RNF150: variants seen among roughly 807,000 people sequenced by gnomAD.
The protein encoded by RNF150 is ring finger protein 150.
RNF150 carries 24 observed loss-of-function variants against 39.3 expected under a neutral mutation model. The observed-to-expected ratio is 0.61, with a 90% CI of 0.44 to 0.86. The LOEUF (loss-of-function observed/expected upper bound fraction) is 0.86. Among genes scored for constraint, RNF150 ranks in the 40% least tolerant of loss-of-function variants. The pLI is 0.00. For missense variants in RNF150, 502 were observed against 587.8 expected (o/e 0.85, Z 1.51); for synonymous variants, 255 against 227.3 (o/e 1.12, Z -1.10).
At chr4:140,872,706 A>T (rs1228790514) in intron 6 of RNF150, among the ~76,000 whole-genome samples, 2 of 152,220 alleles carry the variant, frequency 1.3e-5, no homozygotes, top group African/African-American at 4.8e-5. Context: ...AAAAATTCCC[A>T]TGTTTTTCGA....
At chr4:140,921,549 G>A (rs890744535) in intron 5 of RNF150, among the ~76,000 whole-genome samples, 9 of 152,112 alleles carry the variant, frequency 5.9e-5, no homozygotes, top group South Asian at 2.1e-4. Context: ...ACAAGGAGGA[G>A]CTGGTACCAT....
At chr4:141,171,713 T>G (rs1277926634) in intron 1 of RNF150, among the ~76,000 whole-genome samples, 2 of 152,346 alleles carry the variant, frequency 1.3e-5, no homozygotes, top group Admixed American at 6.5e-5. Flanking sequence ...TACATGTGCA[T>G]GTACATATAG....
chr4:141,060,306 T>C (rs908318450), intron 1 of RNF150, among the ~76,000 whole-genome samples: 3 of 152,220 alleles, frequency 2.0e-5, no homozygotes, highest in South Asian at 4.1e-4. Flanking sequence ...CCAGGCGTAG[T>C]AGCATGCATT....
intron 6 of RNF150, among the ~76,000 whole-genome samples, chr4:140,873,226 A>G (rs1352753845): frequency 6.6e-6 from 1 of 152,238 alleles, no homozygotes; most frequent in East Asian, 1.9e-4. Flanking sequence ...TGATTCCCAG[A>G]TGGACACCAC....
At chr4:140,917,504 T>C (rs915628286) in intron 5 of RNF150, among the ~76,000 whole-genome samples, 9 of 152,152 alleles carry the variant, frequency 5.9e-5, no homozygotes, top group African/African-American at 1.4e-4. Context: ...CCTAAATATA[T>C]ATGAACCCAA....
chr4:141,066,614 A>T (rs1737471670), intron 1 of RNF150, among the ~76,000 whole-genome samples: 1 of 152,224 alleles, frequency 6.6e-6, no homozygotes. Context: ...TCTGCTATGA[A>T]ATAAGCTGAC....
intron 6 of RNF150, among the ~76,000 whole-genome samples, chr4:140,903,594 C>G (rs2111255715): frequency 6.6e-6 from 1 of 152,336 alleles, no homozygotes; most frequent in East Asian, 1.9e-4. Context: ...GTCTGGTAAA[C>G]TGCAGGTCTG....
intron 1 of RNF150, among the ~76,000 whole-genome samples, chr4:141,024,548 A>T (rs1735619221): frequency 6.6e-6 from 1 of 152,176 alleles, no homozygotes. Flanking sequence ...CATAATACAA[A>T]ATTAAAAACA....
intron 6 of RNF150, among the ~76,000 whole-genome samples, chr4:140,896,696 A>AAC (rs1284278515): frequency 4.9e-5 from 4 of 81,442 alleles, no homozygotes; most frequent in East Asian, 7.5e-4. Context: ...ATAAAAAAAA[A>AAC]AAAACAAAAA....
At chr4:140,892,622 T>G (rs1729792590) in intron 6 of RNF150, among the ~76,000 whole-genome samples, 1 of 152,028 alleles carries the variant, frequency 6.6e-6, no homozygotes, top group Non-Finnish European at 1.5e-5. Flanking sequence ...CTGCTAACTC[T>G]GTCTCCAGAA....
chr4:140,999,417 C>G (rs1054554614), intron 1 of RNF150, among the ~76,000 whole-genome samples: 1 of 152,148 alleles, frequency 6.6e-6, no homozygotes, highest in Admixed American at 6.5e-5. Flanking sequence ...TGATGCATTT[C>G]TTTTTCAGTC....
At chr4:140,900,646 C>T (rs3948486) in intron 6 of RNF150, among the ~76,000 whole-genome samples, 1 of 152,132 alleles carries the variant, frequency 6.6e-6, no homozygotes, top group Admixed American at 6.5e-5. Flanking sequence ...GACACTACAT[C>T]TTGGAAACTG....
At position 141,072,478 on chromosome 4, in the gene RNF150, G is replaced by T. The variant is rs541011515; in HGVS notation, c.484+59847C>A. 4.6e-5 allele frequency among the ~76,000 whole-genome samples: 7 copies of T among 152,280 alleles called. No homozygotes were observed. In the South Asian group the frequency reaches 1.5e-3, roughly 32 times the overall value. On this transcript the variant is annotated intron_variant, in intron 1 of 6. Transcript: ENST00000515673. ...TTTCAGTGGGACAAAAGGAAAAAAG[G>T]AAAGGAAGATTCACACATGTATTTA...
At chr4:141,160,625 A>G (rs1727493986) in intron 1 of RNF150, among the ~76,000 whole-genome samples, 1 of 152,140 alleles carries the variant, frequency 6.6e-6, no homozygotes, top group African/African-American at 2.4e-5. Context: ...AGATGATTGG[A>G]TCATGGGCGT....
intron 1 of RNF150, among the ~76,000 whole-genome samples, chr4:141,022,590 A>G (rs1344450249): frequency 6.6e-6 from 1 of 152,152 alleles, no homozygotes; most frequent in African/African-American, 2.4e-5. Context: ...AGTATAAAAC[A>G]AATACTTTGA....
Position 141,077,989 on chromosome 4 carries a change from C to T in RNF150, c.484+54336G>A, listed in dbSNP as rs140929525. 1.3e-3 allele frequency among the ~76,000 whole-genome samples: 200 copies of T among 152,260 alleles called. 1 individual carries two copies. The highest frequency in any genetic ancestry group is 4.4e-3 in the Admixed American group (68 of 15,302). Reference sequence around the variant, plus strand: ...CAAAGCAAAAATGCAGCAGCTGTTGCCTGTATTAATCTCTGAGATTTTGAC... The same window carrying T: ...CAAAGCAAAAATGCAGCAGCTGTTGTCTGTATTAATCTCTGAGATTTTGAC... On this transcript the variant is annotated intron_variant, in intron 1 of 6. Transcript: ENST00000515673.
intron 5 of RNF150, among the ~76,000 whole-genome samples, chr4:140,923,534 T>C (rs1731250635): frequency 6.6e-6 from 1 of 152,214 alleles, no homozygotes; most frequent in Middle Eastern, 3.2e-3. Context: ...GACTGTAAAC[T>C]AGTTCAACCA....
chr4:141,145,817 C>T lies in RNF150; in HGVS notation c.-6+66977G>A, dbSNP rs1289113316. Among the ~76,000 whole-genome samples, 9 of 152,150 alleles carry T rather than the reference C, an allele frequency of 5.9e-5. No individual in the cohort carries two copies. In the East Asian group the frequency reaches 7.7e-4, roughly 13 times the overall value. ...GGATGACTATATCTTATGGAAGATC[C>T]AATGTTCAAGTTCTACTATGGTTCA... On this transcript the variant is annotated intron_variant, in intron 1 of 7. Coordinates refer to the RNF150 transcript ENST00000420921.
At chr4:141,195,968 G>C (rs1439178605) in intron 1 of RNF150, among the ~76,000 whole-genome samples, 1 of 152,112 alleles carries the variant, frequency 6.6e-6, no homozygotes, top group East Asian at 1.9e-4. Flanking sequence ...CAAAGATTAT[G>C]GGCTTCTCCA....
Sources: gnomAD v4.1 joint callset for allele counts (sites outside exome capture counted in the v4.1 genomes callset) on GRCh38, gnomAD v4.1.1 for gene constraint, MANE v1.5 for transcripts, NCBI Gene and HGNC (gene_info 2026-07-23, HGNC 2026-07-21) for gene names.